TRABD2B: variants seen among roughly 807,000 people sequenced by gnomAD.
TRABD2B encodes the protein metalloprotease TIKI2.
A neutral mutation model predicts 40.1 loss-of-function variants in TRABD2B; 14 were observed. The observed-to-expected ratio is 0.35, with a 90% CI of 0.23 to 0.55. The LOEUF is 0.55. TRABD2B is among the 20% of genes least tolerant of loss of function. TRABD2B has a pLI of 0.90. For missense variants in TRABD2B, 541 were observed against 648.6 expected (o/e 0.83, Z 1.80); for synonymous variants, 263 against 277.0 (o/e 0.95, Z 0.50).
At chr1:47,908,148 C>A (rs1430404993) in intron 2 of TRABD2B, among the ~76,000 whole-genome samples, 1 of 152,086 alleles carries the variant, frequency 6.6e-6, no homozygotes, top group African/African-American at 2.4e-5. Flanking sequence ...GAACTGAATA[C>A]AGGAAGTTTC....
intron 3 of TRABD2B, among the ~76,000 whole-genome samples, chr1:47,800,008 A>ATTCCTTCC (rs10558762): frequency 1.1e-4 from 16 of 150,856 alleles, no homozygotes; most frequent in South Asian, 4.2e-4. Flanking sequence ...AAACTATTTC[A>ATTCCTTCC]TTCCTTCCTT....
rs1307779914 is a variant in TRABD2B at position 47,810,367 on chromosome 1, G to GC, written c.667-8749dup. Among the ~76,000 whole-genome samples the GC allele has an allele frequency of 5.3e-5, 8 of 151,806 alleles. No homozygotes were observed. The East Asian group carries it at 9.7e-4, about 18-fold the overall frequency. ...CAACAAGTTCGTGCCATCACCCCCT[G>GC]CCCCCCCGCCACCCATTTTAGATAA... On this transcript the variant is annotated intron_variant, in intron 2 of 6. Transcript: ENST00000606738.
At chr1:47,900,367 G>A (rs1017839434) in intron 2 of TRABD2B, among the ~76,000 whole-genome samples, 5 of 152,164 alleles carry the variant, frequency 3.3e-5, no homozygotes, top group Non-Finnish European at 5.9e-5. Context: ...AACCGAGCAA[G>A]TGCCACCTGC....
At chr1:47,777,282 C>T (rs560178485) in intron 5 of TRABD2B, among the ~76,000 whole-genome samples, 1 of 152,308 alleles carries the variant, frequency 6.6e-6, no homozygotes, top group African/African-American at 2.4e-5. Flanking sequence ...TTGGAATCCC[C>T]AACCCTCAAA....
At chr1:47,967,383 C>T (rs536658372) in intron 2 of TRABD2B, among the ~76,000 whole-genome samples, 2 of 151,368 alleles carry the variant, frequency 1.3e-5, no homozygotes, top group South Asian at 2.1e-4. Flanking sequence ...AGCAATACTT[C>T]GCTTATCCAG....
intron 2 of TRABD2B, among the ~76,000 whole-genome samples, chr1:47,971,434 G>T (rs1372866628): frequency 6.6e-6 from 1 of 152,178 alleles, no homozygotes; most frequent in Non-Finnish European, 1.5e-5. Context: ...TATCTCCTTG[G>T]AAATGATCTC....
intron 2 of TRABD2B, 103 bp downstream of exon 2, chr1:47,993,931 A>G (rs369131741): frequency 1.6e-6 from 2 of 1,212,340 alleles, no homozygotes; most frequent in Non-Finnish European, 2.2e-6. Context: ...AAAGGACCTG[A>G]CTCTGGCTGC....
Position 47,766,126 on chromosome 1 carries a change from T to C in TRABD2B, c.1350-20A>G, listed in dbSNP as rs185424549. 190 of 701,552 alleles carry C rather than the reference T, an allele frequency of 2.7e-4. 1 individual carries two copies. The East Asian group carries it at 4.9e-3, about 18-fold the overall frequency. The allele number at this position is 701,552 out of a possible 1,614,324, so 43.5% of individuals were successfully genotyped here. On this transcript the variant is annotated intron_variant, in intron 6 of 6. Transcript: ENST00000606738. ...GTGGTGCTGGAAAGGAGGAAGCACA[T>C]GGCAGAGTCACCATCGGCAGCCTCG...
intron 4 of TRABD2B, among the ~76,000 whole-genome samples, chr1:47,792,682 T>C (rs959938912): frequency 2.0e-5 from 3 of 152,128 alleles, no homozygotes; most frequent in African/African-American, 7.2e-5. Flanking sequence ...GTGATTTTCA[T>C]TGTTAGACTC....
At chr1:47,886,024 T>G (rs935442395) in intron 2 of TRABD2B, among the ~76,000 whole-genome samples, 2 of 152,160 alleles carry the variant, frequency 1.3e-5, no homozygotes, top group African/African-American at 4.8e-5. Flanking sequence ...TTTGTAGCTA[T>G]TGGATAAGAA....
In TRABD2B at chr1:47,973,525, T is replaced by G. The variant is rs556697124; in HGVS notation, c.666+20509A>C. 4.6e-5 allele frequency among the ~76,000 whole-genome samples: 7 copies of G among 152,314 alleles called. 1 individual carries two copies. Among genetic ancestry groups the G allele is most frequent in the Admixed American group, 4.6e-4 (7 of 15,298 alleles). On this transcript the variant is annotated intron_variant, in intron 2 of 6. Coordinates refer to ENST00000606738, the MANE Select transcript of TRABD2B (RefSeq NM_001194986.2). ...ACAAGTACTGTGTGTATACTCGTAC[T>G]TGCTCCTCCTCCAGCCTCCCCTAAT...
chr1:47,988,624 C>A lies in TRABD2B; in HGVS notation c.666+5410G>T, dbSNP rs147280885. Among the ~76,000 whole-genome samples the A allele has an allele frequency of 8.5e-5, 13 of 152,322 alleles. No homozygotes were observed. The East Asian group carries it at 2.3e-3, about 27-fold the overall frequency. On this transcript the variant is annotated intron_variant, in intron 2 of 6. Coordinates refer to ENST00000606738, the MANE Select transcript of TRABD2B (RefSeq NM_001194986.2). ...CTGGACAAATAGGTATCAGCAGCAA[C>A]TGCCAAAGACAAGCCTGCCAGCCCC...
chr1:47,977,210 C>T (rs1480956243), intron 2 of TRABD2B, among the ~76,000 whole-genome samples: 1 of 151,988 alleles, frequency 6.6e-6, no homozygotes, highest in African/African-American at 2.4e-5. Flanking sequence ...GTAGCTGGGA[C>T]CACAGGTGCA....
intron 6 of TRABD2B, 44 bp from the exon 7 acceptor site, chr1:47,766,150 C>G (rs531674835): frequency 1.4e-5 from 10 of 699,826 alleles, no homozygotes; most frequent in East Asian, 1.3e-4. Context: ...TCGGCAGCCT[C>G]GTCCTGGGCA....
intron 2 of TRABD2B, among the ~76,000 whole-genome samples, chr1:47,827,091 G>A (rs1167477633): frequency 1.3e-5 from 2 of 152,154 alleles, no homozygotes; most frequent in East Asian, 1.9e-4. Context: ...TGGGGAGGGC[G>A]AGGATGCAGC....
chr1:47,918,308 G>A (rs4927231), intron 2 of TRABD2B, among the ~76,000 whole-genome samples: 3,564 of 152,330 alleles, frequency 0.023, 106 homozygotes, highest in Admixed American at 0.09. Context: ...TGTGTAGCAA[G>A]TAGATGAATA....
chr1:47,868,878 C>G (rs1375863822), intron 2 of TRABD2B, among the ~76,000 whole-genome samples: 1 of 152,172 alleles, frequency 6.6e-6, no homozygotes, highest in Non-Finnish European at 1.5e-5. Context: ...TGTCCACAGT[C>G]ATTTTTGTAA....
chr1:47,780,541 A>G (rs1644506757), intron 4 of TRABD2B, among the ~76,000 whole-genome samples: 1 of 152,078 alleles, frequency 6.6e-6, no homozygotes, highest in Non-Finnish European at 1.5e-5. Context: ...GGCACTAAGT[A>G]TGATGGAGAG....
At chr1:47,776,754 A>C (rs1244963215) in intron 5 of TRABD2B, among the ~76,000 whole-genome samples, 1 of 151,958 alleles carries the variant, frequency 6.6e-6, no homozygotes, top group African/African-American at 2.4e-5. Flanking sequence ...TTCCCAGCCC[A>C]CTCTCACACG....
Sources: allele counts gnomAD v4.1 joint callset (sites outside exome capture counted in the v4.1 genomes callset), GRCh38; gene constraint gnomAD v4.1.1; transcripts MANE v1.5; gene names NCBI Gene and HGNC (gene_info 2026-07-23, HGNC 2026-07-21).